PIEZO1: variants seen among roughly 807,000 people sequenced by gnomAD.
PIEZO1 encodes the protein piezo-type mechanosensitive ion channel component 1.
PIEZO1 carries 296 observed loss-of-function variants against 297.2 expected under a neutral mutation model. The observed-to-expected ratio is 1.00, with a 90% CI of 0.91 to 1.10. The LOEUF (loss-of-function observed/expected upper bound fraction) is 1.10, where lower values mean the gene tolerates loss of function less well. Among genes scored for constraint, PIEZO1 ranks in the 50% least tolerant of loss-of-function variants. PIEZO1 has a pLI of 0.00. For synonymous variants in PIEZO1, 2,427 were observed against 1,507.5 expected, an observed-to-expected ratio of 1.61 and a Z score of -14.13; for missense variants, 5,018 against 3,455.5, an observed-to-expected ratio of 1.45 and a Z score of -11.34.
At chr16:88,756,474 C>T (rs1038718199) in intron 1 of PIEZO1, among the ~76,000 whole-genome samples, 1 of 152,210 alleles carries the variant, frequency 6.6e-6, no homozygotes, top group Non-Finnish European at 1.5e-5. Context: ...GTGGCTGGGG[C>T]CGGGCACCGT....
At chr16:88,724,974 G>T in intron 30 of PIEZO1, 35 bp downstream of exon 30, 1 of 1,357,708 alleles carries the variant, frequency 7.4e-7, no homozygotes, top group Non-Finnish European at 9.8e-7. Flanking sequence ...CAGAGGGCCT[G>T]AGAGGGTGGC....
chr16:88,715,876 C>T (rs979183468), intron 50 of PIEZO1, 22 bp from the exon 51 acceptor site: 75 of 1,547,434 alleles, frequency 4.8e-5, no homozygotes, highest in Non-Finnish European at 6.5e-5. Flanking sequence ...GCTGGTGAGT[C>T]CTGGGGCCGC....
chr16:88,777,838 G>A (rs1179940826), intron 1 of PIEZO1, among the ~76,000 whole-genome samples: 1 of 152,158 alleles, frequency 6.6e-6, no homozygotes, highest in Non-Finnish European at 1.5e-5. Context: ...AGGGCAGGCA[G>A]CCCCAAACCC....
At chr16:88,769,126 C>A (rs564361723) in intron 1 of PIEZO1, among the ~76,000 whole-genome samples, 1 of 152,192 alleles carries the variant, frequency 6.6e-6, no homozygotes, top group Non-Finnish European at 1.5e-5. Context: ...TATTTGCACA[C>A]GCATAATGAG....
intron 1 of PIEZO1, among the ~76,000 whole-genome samples, chr16:88,753,328 A>G (rs1228503304): frequency 2.1e-5 from 2 of 94,184 alleles, no homozygotes; most frequent in Non-Finnish European, 4.1e-5. Context: ...CCCCCGGAGC[A>G]CACCTGCCAC....
intron 1 of PIEZO1, 101 bp from the exon 2 acceptor site, chr16:88,749,580 C>T (rs988550735): frequency 1.4e-5 from 13 of 896,740 alleles, no homozygotes; most frequent in African/African-American, 6.9e-5. Flanking sequence ...CCGCCGAGGC[C>T]GTGTGCCCTG....
intron 12 of PIEZO1, among the ~76,000 whole-genome samples, chr16:88,735,632 C>T (rs1905159893): frequency 1.3e-5 from 2 of 152,266 alleles, no homozygotes; most frequent in Non-Finnish European, 2.9e-5. Context: ...CACACAGGCT[C>T]ACAAGTTTCA....
At chr16:88,732,267 C>G (rs181125579) in intron 21 of PIEZO1, 68 bp downstream of exon 21, 7 of 1,373,948 alleles carry the variant, frequency 5.1e-6, no homozygotes, top group South Asian at 2.6e-5. Flanking sequence ...GGTGCCTGCA[C>G]GGTGCAGCCG....
intron 8 of PIEZO1, 27 bp from the exon 9 acceptor site, chr16:88,737,841 A>T (rs531839690): frequency 2.0e-6 from 3 of 1,534,668 alleles, no homozygotes; most frequent in East Asian, 4.9e-5. Flanking sequence ...CTTGAGCCCA[A>T]ACCAGCTCCA....
intron 1 of PIEZO1, among the ~76,000 whole-genome samples, chr16:88,760,285 C>A (rs190259587): frequency 6.6e-6 from 1 of 152,340 alleles, no homozygotes; most frequent in East Asian, 1.9e-4. Context: ...TCCCAATCCA[C>A]CCCAAGCTGA....
In PIEZO1 at chr16:88,761,565, G is replaced by A. The variant is rs144494160; in HGVS notation, c.65-12086C>T. On this transcript the variant is annotated intron_variant, in intron 1 of 50. Coordinates refer to ENST00000301015, the MANE Select transcript of PIEZO1 (RefSeq NM_001142864.4). ...CGGGTGAGCTGGGAGGTGCCTTTGC[G>A]TTCTCCCCGATGCTGCTCAGCATCC... is the stretch of plus-strand genomic sequence containing the variant. Among the ~76,000 whole-genome samples the A allele has an allele frequency of 5.9e-3, 895 of 152,316 alleles. 7 individuals are homozygous for A. Among genetic ancestry groups the A allele is most frequent in the South Asian group, 0.047 (229 of 4,830 alleles).
rs779692965 is a variant in PIEZO1 at position 88,721,581 on chromosome 16, A to G, written c.5360T>C (p.Leu1787Pro). 16 of 1,550,244 alleles carry G rather than the reference A, an allele frequency of 1.0e-5. No homozygotes were observed. In the South Asian group the frequency reaches 1.7e-4, roughly 16 times the overall value. The change falls in exon 38 of 51, where the codon CTG becomes CCG. Residue 1787 changes from leucine to proline, a missense_variant. Coordinates refer to ENST00000301015, the MANE Select transcript of PIEZO1 (RefSeq NM_001142864.4). ...GAAGAAAAGGGCCATGAGCTGCACC[A>G]GGTCGTACTTGATGTAGCCGTCAGT... ...EKTDGYIKYD[L>P]VQLMALFFHR...
At chr16:88,731,646 C>T in intron 22 of PIEZO1, 60 bp downstream of exon 22, 1 of 1,367,046 alleles carries the variant, frequency 7.3e-7, no homozygotes, top group South Asian at 1.3e-5. Context: ...GCGGGAAACA[C>T]CCCCACGGGC....
At chr16:88,720,319 G>A in intron 41 of PIEZO1, 36 bp from the exon 42 acceptor site, 1 of 1,549,874 alleles carries the variant, frequency 6.5e-7, no homozygotes, top group Non-Finnish European at 8.7e-7. Flanking sequence ...GGGGAGCCAA[G>A]CCCAGGGGAT....
At chr16:88,728,446 C>T (rs1597452041) in intron 22 of PIEZO1, among the ~76,000 whole-genome samples, 1 of 150,604 alleles carries the variant, frequency 6.6e-6, no homozygotes, top group Non-Finnish European at 1.5e-5. Flanking sequence ...CCCCATCTGC[C>T]ACAGAGGGAA....
At chr16:88,726,061 T>G in intron 27 of PIEZO1, 1 of 581,884 alleles carries the variant, frequency 1.7e-6, no homozygotes, top group South Asian at 2.1e-5. Flanking sequence ...CCAGCCACCG[T>G]CAGCACTGCA....
intron 15 of PIEZO1, 36 bp from the exon 16 acceptor site, chr16:88,734,574 C>T (rs1457864714): frequency 6.5e-6 from 10 of 1,545,178 alleles, no homozygotes; most frequent in Middle Eastern, 3.6e-4. Flanking sequence ...GCCCGGCCCC[C>T]GGCAGAGCCG....
In PIEZO1 at chr16:88,715,354, T is replaced by C. The variant is rs1332867825; in HGVS notation, c.*251A>G. 4.8e-6 allele frequency: 6 copies of C among 1,255,542 alleles called. No individual in the cohort carries two copies. The Admixed American group carries it at 1.3e-4, about 28-fold the overall frequency. 77.8% of individuals were successfully genotyped at this position (1,255,542 alleles called of 1,614,324 possible). On this transcript the variant is annotated 3_prime_UTR_variant, in exon 51 of 51. Coordinates refer to ENST00000301015, the MANE Select transcript of PIEZO1 (RefSeq NM_001142864.4). ...GGACTGGCCTCTGATTGTCCATTTGTATAAATAAAACATTTTTTAATTAAA... is the reference window on the plus strand; with the variant it reads ...GGACTGGCCTCTGATTGTCCATTTGCATAAATAAAACATTTTTTAATTAAA...
At chr16:88,755,167 C>T (rs1330399668) in intron 1 of PIEZO1, among the ~76,000 whole-genome samples, 2 of 152,226 alleles carry the variant, frequency 1.3e-5, no homozygotes, top group African/African-American at 4.8e-5. Flanking sequence ...ACATTGCAGA[C>T]GAGGAGATGG....
Sources: allele counts gnomAD v4.1 joint callset (sites outside exome capture counted in the v4.1 genomes callset), GRCh38; gene constraint gnomAD v4.1.1; transcripts MANE v1.5; gene names NCBI Gene and HGNC (gene_info 2026-07-23, HGNC 2026-07-21).